Variants in PHACTR1 observed in about 807,000 individuals in gnomAD.
The protein encoded by PHACTR1 is phosphatase and actin regulator 1.
A neutral mutation model predicts 69.2 loss-of-function variants in PHACTR1; 16 were observed. The observed-to-expected ratio is 0.23, with a 90% CI of 0.16 to 0.35. The LOEUF is 0.35. PHACTR1 is among the 10% of genes least tolerant of loss of function. PHACTR1 has a pLI of 1.00. For missense variants in PHACTR1, 510 were observed against 734.7 expected (o/e 0.69, Z 3.54); for synonymous variants, 312 against 284.5 (o/e 1.10, Z -0.97).
rs542958670 is a variant in PHACTR1 at position 13,137,412 on chromosome 6, G to A, written c.416-22792G>A. On this transcript the variant is annotated intron_variant, in intron 5 of 14. Coordinates refer to ENST00000332995, the MANE Select transcript of PHACTR1 (RefSeq NM_030948.6). ...CAATGTCTTAACTATGAAGAAACTC[G>A]GTATGTGGTGATAGAATAAATGAAT... Among the ~76,000 whole-genome samples, 169 of 152,144 alleles carry A rather than the reference G, an allele frequency of 1.1e-3. 1 individual carries two copies. The highest frequency in any genetic ancestry group is 2.9e-4 in the Non-Finnish European group (20 of 68,036).
intron 5 of PHACTR1, among the ~76,000 whole-genome samples, chr6:13,083,655 C>G (rs1339804223): frequency 1.3e-5 from 2 of 152,100 alleles, no homozygotes; most frequent in Non-Finnish European, 2.9e-5. Flanking sequence ...TGAAGAGGTC[C>G]TTTACATCCC....
At position 13,245,825 on chromosome 6, in the gene PHACTR1, A is replaced by G. The variant is rs763443601; in HGVS notation, c.1391+15632A>G. ...TAATCTATCTCGAGTTGATTTTTGTATATGGTGTAAGGAGCAGGTCCAGTT... is the reference window on the plus strand; with the variant it reads ...TAATCTATCTCGAGTTGATTTTTGTGTATGGTGTAAGGAGCAGGTCCAGTT... On this transcript the variant is annotated intron_variant, in intron 10 of 14. Transcript: ENST00000332995. The surrounding 1 kb of genome is among the most constrained non-coding windows in gnomAD (Gnocchi z 4.1). 6.6e-6 allele frequency among the ~76,000 whole-genome samples: 1 copy of G among 152,098 alleles called. No homozygotes were observed. Among genetic ancestry groups the G allele is most frequent in the Non-Finnish European group, 1.5e-5 (1 of 68,022 alleles).
At chr6:13,037,824 A>G (rs1246161706) in intron 4 of PHACTR1, among the ~76,000 whole-genome samples, 1 of 152,228 alleles carries the variant, frequency 6.6e-6, no homozygotes, top group Non-Finnish European at 1.5e-5. Context: ...TGATATGGAT[A>G]ACTGGTCTAC....
chr6:12,855,768 C>A (rs1780286718), intron 4 of PHACTR1, among the ~76,000 whole-genome samples: 4 of 151,890 alleles, frequency 2.6e-5, no homozygotes, highest in African/African-American at 9.7e-5. Context: ...TTGTAACAAG[C>A]CTGACCATGT....
chr6:13,278,711 A>G (rs1011809388), intron 12 of PHACTR1, among the ~76,000 whole-genome samples: 5 of 152,216 alleles, frequency 3.3e-5, no homozygotes, highest in East Asian at 3.8e-4. Context: ...TAAACCCAGC[A>G]CTTTGGGAGG....
chr6:13,058,050 C>T, intron 5 of PHACTR1, among the ~76,000 whole-genome samples: 1 of 152,192 alleles, frequency 6.6e-6, no homozygotes, highest in South Asian at 2.1e-4. Context: ...CCCTCCGAGG[C>T]CCTGCCCAGG....
rs550484620 is a variant in PHACTR1 at position 13,026,188 on chromosome 6, A to G, written c.251-27177A>G. 4.6e-5 allele frequency among the ~76,000 whole-genome samples: 7 copies of G among 152,344 alleles called. No homozygotes were observed. The South Asian group carries it at 1.2e-3, about 27-fold the overall frequency. On this transcript the variant is annotated intron_variant, in intron 4 of 14. Coordinates refer to ENST00000332995, the MANE Select transcript of PHACTR1 (RefSeq NM_030948.6). ...TCCACCATGATTTTAGAAAGCAAGT[A>G]TGGCTTATTTTTATTGCAGAAATCT...
chr6:13,035,533 A>G (rs1270361478), intron 4 of PHACTR1, among the ~76,000 whole-genome samples: 3 of 152,218 alleles, frequency 2.0e-5, no homozygotes, highest in Non-Finnish European at 4.4e-5. Context: ...AGGTAAAAAT[A>G]AAACTAGTGG....
intron 4 of PHACTR1, among the ~76,000 whole-genome samples, chr6:12,908,655 G>C (rs966392849): frequency 1.3e-5 from 2 of 152,294 alleles, no homozygotes; most frequent in Middle Eastern, 3.4e-3. Flanking sequence ...ATGGAGCTGG[G>C]TGGGGAAGTG....
At chr6:13,133,467 TA>T (rs1343402939) in intron 5 of PHACTR1, among the ~76,000 whole-genome samples, 2 of 151,902 alleles carry the variant, frequency 1.3e-5, no homozygotes, top group Admixed American at 1.3e-4. Flanking sequence ...CTGGTTTTCG[TA>T]TTTTTTTTGG....
At chr6:13,086,529 T>G (rs964806506) in intron 5 of PHACTR1, among the ~76,000 whole-genome samples, 1 of 151,868 alleles carries the variant, frequency 6.6e-6, no homozygotes, top group Non-Finnish European at 1.5e-5. Context: ...TAACCAGTGC[T>G]TTTTTTTCTG....
At chr6:12,833,792 C>A (rs1319150392) in intron 4 of PHACTR1, among the ~76,000 whole-genome samples, 2 of 152,162 alleles carry the variant, frequency 1.3e-5, no homozygotes, top group Admixed American at 6.5e-5. Context: ...TCCTACTACA[C>A]TGGAATAAAA....
intron 5 of PHACTR1, among the ~76,000 whole-genome samples, chr6:13,143,652 A>C (rs1362508957): frequency 6.6e-6 from 1 of 152,216 alleles, no homozygotes; most frequent in Non-Finnish European, 1.5e-5. Context: ...CACTTGAGTG[A>C]TAAAAATAAA....
chr6:12,829,537 G>A (rs2127724383), intron 4 of PHACTR1, among the ~76,000 whole-genome samples: 1 of 152,312 alleles, frequency 6.6e-6, no homozygotes, highest in East Asian at 1.9e-4. Flanking sequence ...TGGATTAGTG[G>A]CTTGGAGTAT....
intron 4 of PHACTR1, among the ~76,000 whole-genome samples, chr6:12,987,081 A>C (rs187955970): frequency 3.9e-5 from 6 of 152,336 alleles, no homozygotes; most frequent in Admixed American, 1.3e-4. Context: ...ATACACATAT[A>C]AGTGTATATG....
chr6:13,229,665 C>T (rs1331863803), intron 9 of PHACTR1, among the ~76,000 whole-genome samples: 2 of 152,190 alleles, frequency 1.3e-5, no homozygotes, highest in African/African-American at 4.8e-5. Context: ...ATCTCTGCTT[C>T]AGGTGTCAGC....
At chr6:13,206,269 A>T in intron 8 of PHACTR1, 133 bp downstream of exon 8, 1 of 1,026,224 alleles carries the variant, frequency 9.7e-7, no homozygotes, top group Non-Finnish European at 1.4e-6. Flanking sequence ...TGAAAGTAAA[A>T]TGAGACAAAA....
intron 4 of PHACTR1, among the ~76,000 whole-genome samples, chr6:13,038,209 G>A (rs555682866): frequency 1.3e-5 from 2 of 152,096 alleles, no homozygotes; most frequent in African/African-American, 4.8e-5. Context: ...GGTAACTTAA[G>A]ACCCAGAGAA....
At chr6:13,198,610 T>C (rs1226376347) in intron 7 of PHACTR1, among the ~76,000 whole-genome samples, 2 of 149,612 alleles carry the variant, frequency 1.3e-5, no homozygotes, top group African/African-American at 4.9e-5. Flanking sequence ...ATACTAATGA[T>C]ACCTGATGAG....
Sources: allele counts gnomAD v4.1 joint callset (sites outside exome capture counted in the v4.1 genomes callset), GRCh38; gene constraint gnomAD v4.1.1; non-coding constraint Gnocchi (gnomAD v3.1); transcripts MANE v1.5; gene names NCBI Gene and HGNC (gene_info 2026-07-23, HGNC 2026-07-21).